The following STX8 variants were observed in gnomAD, a reference collection of about 807,000 sequenced individuals.
STX8 encodes the protein syntaxin-8.
A neutral mutation model predicts 37.5 loss-of-function variants in STX8; 23 were observed. The ratio of observed to expected loss-of-function variants is 0.61; its 90% CI spans 0.44 to 0.87. The LOEUF (loss-of-function observed/expected upper bound fraction) is 0.87, where lower values mean the gene tolerates loss of function less well. Ranked by LOEUF, STX8 falls within the 40% of genes least tolerant of loss-of-function variation. The pLI is 0.00. For missense variants in STX8, 313 were observed against 284.7 expected (o/e 1.10, Z -0.71); for synonymous variants, 115 against 99.1 (o/e 1.16, Z -0.95).
At chr17:9,317,807 C>T (rs1909439583) in intron 7 of STX8, among the ~76,000 whole-genome samples, 1 of 151,276 alleles carries the variant, frequency 6.6e-6, no homozygotes, top group African/African-American at 2.4e-5. Flanking sequence ...GTTTTCTCTA[C>T]ACAAATCAAG....
intron 6 of STX8, among the ~76,000 whole-genome samples, chr17:9,436,686 G>C (rs1904444423): frequency 2.0e-5 from 3 of 152,114 alleles, no homozygotes; most frequent in African/African-American, 4.8e-5. Flanking sequence ...GAAAACATCT[G>C]AAAGAGCTGA....
chr17:9,262,893 C>T (rs1475671491), intron 7 of STX8, among the ~76,000 whole-genome samples: 2 of 152,128 alleles, frequency 1.3e-5, no homozygotes, highest in Non-Finnish European at 2.9e-5. Context: ...TGTTTTTTAA[C>T]CTAAACGAGC....
In STX8 at chr17:9,274,666, ACT is replaced by A. The variant is rs576349412; in HGVS notation, c.644-24023_644-24022del. ...ACTCCAGCCTGGGCAACAGTGTGAG[ACT>A]CTGTCTCAAAAATAATAATAATAAT... On this transcript the variant is annotated intron_variant, in intron 7 of 7. Coordinates refer to ENST00000306357, the MANE Select transcript of STX8 (RefSeq NM_004853.3). Among the ~76,000 whole-genome samples, 347 of 135,524 alleles carry A rather than the reference ACT, an allele frequency of 2.6e-3. 6 individuals are homozygous for A. The highest frequency in any genetic ancestry group is 0.02 in the Admixed American group (260 of 12,778). 88.9% of individuals were successfully genotyped at this position (135,524 alleles called of 152,430 possible).
chr17:9,387,983 A>C (rs370181852), intron 6 of STX8, among the ~76,000 whole-genome samples: 210 of 152,248 alleles, frequency 1.4e-3, no homozygotes, highest in Non-Finnish European at 2.5e-3. Context: ...TGTAGGGATT[A>C]ATGTTTTAAT....
intron 7 of STX8, among the ~76,000 whole-genome samples, chr17:9,272,947 A>C (rs1331977827): frequency 6.6e-6 from 1 of 152,232 alleles, no homozygotes; most frequent in African/African-American, 2.4e-5. Context: ...ATTTCAGCAC[A>C]ATCTTTTCAA....
At position 9,442,184 on chromosome 17, in the gene STX8, C is replaced by T. The variant is rs1567562595; in HGVS notation, c.541+49645G>A. On this transcript the variant is annotated intron_variant, in intron 6 of 7. Coordinates refer to ENST00000306357, the MANE Select transcript of STX8 (RefSeq NM_004853.3). ...GCAGTCAAGGCCATTGTCATCTATGCAGCTGCCTGAGGCAGAACCCAATCA... is the reference window on the plus strand; with the variant it reads ...GCAGTCAAGGCCATTGTCATCTATGTAGCTGCCTGAGGCAGAACCCAATCA... 7.2e-5 allele frequency among the ~76,000 whole-genome samples: 11 copies of T among 152,338 alleles called. No homozygotes were observed. The South Asian group carries it at 2.3e-3, about 32-fold the overall frequency.
At chr17:9,279,986 G>A (rs1255797481) in intron 7 of STX8, among the ~76,000 whole-genome samples, 1 of 152,178 alleles carries the variant, frequency 6.6e-6, no homozygotes, top group Non-Finnish European at 1.5e-5. Flanking sequence ...TGTAATCCCA[G>A]CACTTCGGTG....
chr17:9,298,578 A>G (rs867271058), intron 7 of STX8, among the ~76,000 whole-genome samples: 7 of 152,294 alleles, frequency 4.6e-5, no homozygotes, highest in Middle Eastern at 3.4e-3. Context: ...TTGGGAGGCC[A>G]AGGTGGGTAG....
At chr17:9,295,160 A>T (rs1466536475) in intron 7 of STX8, among the ~76,000 whole-genome samples, 1 of 152,196 alleles carries the variant, frequency 6.6e-6, no homozygotes, top group Non-Finnish European at 1.5e-5. Flanking sequence ...ACTAATTTAT[A>T]TTTGAAAACT....
intron 6 of STX8, among the ~76,000 whole-genome samples, chr17:9,481,865 T>A (rs1906363282): frequency 6.6e-6 from 1 of 152,060 alleles, no homozygotes; most frequent in African/African-American, 2.4e-5. Context: ...CTTACGACAA[T>A]CTGATGCCTG....
At chr17:9,543,567 A>G (rs1431984924) in intron 4 of STX8, among the ~76,000 whole-genome samples, 1 of 152,162 alleles carries the variant, frequency 6.6e-6, no homozygotes, top group Non-Finnish European at 1.5e-5. Flanking sequence ...GGCCTCCCAA[A>G]GTGCTAGGCT....
chr17:9,279,595 C>G (rs1410311217), intron 7 of STX8, among the ~76,000 whole-genome samples: 1 of 152,194 alleles, frequency 6.6e-6, no homozygotes, highest in East Asian at 1.9e-4. Context: ...AACACAGCTT[C>G]CAAACCATCT....
At chr17:9,512,283 G>GCGAT (rs750827720) in intron 4 of STX8, among the ~76,000 whole-genome samples, 7 of 152,040 alleles carry the variant, frequency 4.6e-5, no homozygotes, top group Non-Finnish European at 7.4e-5. Flanking sequence ...GAAGAGACAA[G>GCGAT]CGATCCTAAG....
chr17:9,351,305 G>A (rs751786982), intron 7 of STX8, among the ~76,000 whole-genome samples: 16 of 149,940 alleles, frequency 1.1e-4, no homozygotes, highest in Admixed American at 4.0e-4. Context: ...TTACAGGCGC[G>A]CACCACCACA....
At chr17:9,559,253 A>G (rs1907111119) in intron 2 of STX8, among the ~76,000 whole-genome samples, 1 of 152,242 alleles carries the variant, frequency 6.6e-6, no homozygotes, top group African/African-American at 2.4e-5. Flanking sequence ...TTAAGCTACC[A>G]TAACCTGGGT....
At chr17:9,253,956 A>G (rs1476075682) in intron 7 of STX8, among the ~76,000 whole-genome samples, 2 of 152,206 alleles carry the variant, frequency 1.3e-5, no homozygotes, top group Admixed American at 6.5e-5. Flanking sequence ...AGGCATGCGC[A>G]GTCACTGCCA....
chr17:9,473,254 AG>A, intron 6 of STX8, among the ~76,000 whole-genome samples: 1 of 151,978 alleles, frequency 6.6e-6, no homozygotes, highest in Non-Finnish European at 1.5e-5. Flanking sequence ...CCTGACCTCC[AG>A]TGATCTGCCC....
At chr17:9,510,290 G>A (rs1904981774) in intron 4 of STX8, among the ~76,000 whole-genome samples, 1 of 152,066 alleles carries the variant, frequency 6.6e-6, no homozygotes, top group Non-Finnish European at 1.5e-5. Flanking sequence ...AGACCTAACA[G>A]ATATTTATGG....
chr17:9,539,927 G>C (rs774379170), intron 4 of STX8, among the ~76,000 whole-genome samples: 1 of 152,120 alleles, frequency 6.6e-6, no homozygotes, highest in African/African-American at 2.4e-5. Context: ...CAATCAGGAG[G>C]GAAGGGGATA....
Sources: allele counts gnomAD v4.1 joint callset (sites outside exome capture counted in the v4.1 genomes callset), GRCh38; gene constraint gnomAD v4.1.1; transcripts MANE v1.5; gene names NCBI Gene and HGNC (gene_info 2026-07-23, HGNC 2026-07-21).